Variants in IL18R1 observed in about 807,000 individuals in gnomAD.
IL18R1 encodes the protein interleukin-18 receptor 1.
Under a neutral mutation model 48.5 loss-of-function variants are expected in IL18R1, and 40 were observed. The observed-to-expected ratio is 0.82, with a 90% CI of 0.64 to 1.07. IL18R1 has a LOEUF of 1.07. IL18R1 is among the 50% of genes least tolerant of loss of function. IL18R1 has a pLI of 0.00. For missense variants in IL18R1, 596 were observed against 633.7 expected, an observed-to-expected ratio of 0.94 and a Z score of 0.64; for synonymous variants, 232 against 225.9, an observed-to-expected ratio of 1.03 and a Z score of -0.24.
chr2:102,393,024 T>C (rs1031432596), intron 9 of IL18R1, among the ~76,000 whole-genome samples: 5 of 152,218 alleles, frequency 3.3e-5, no homozygotes, highest in African/African-American at 4.8e-5. Flanking sequence ...TAATTTTTCA[T>C]AGGTAAGAGC....
At chr2:102,390,363 C>T in intron 9 of IL18R1, 146 bp downstream of exon 9, 1 of 748,914 alleles carries the variant, frequency 1.3e-6, no homozygotes, top group African/African-American at 1.8e-5. Flanking sequence ...TCTGCCTGTA[C>T]CATCCATTAT....
rs1055080144 is a variant in IL18R1, at chr2:102,398,608, G to A, written c.*1722G>A. Reference sequence around the variant, plus strand: ...AAATAGATTTCATTGCTATTGCATAGTCTCTAATACATAGAATGATTTTGC... The same window carrying A: ...AAATAGATTTCATTGCTATTGCATAATCTCTAATACATAGAATGATTTTGC... On this transcript the variant is annotated 3_prime_UTR_variant, in exon 11 of 11. Transcript: ENST00000233957. 6.6e-6 allele frequency: 1 copy of A among 152,236 alleles called. No homozygotes were observed. Among genetic ancestry groups the A allele is most frequent in the Non-Finnish European group, 1.5e-5 (1 of 68,026 alleles). The allele number at this position is 152,236 out of a possible 1,614,324, so 9.4% of individuals were successfully genotyped here. A position where few individuals can be genotyped will look rare whatever the true frequency, so the allele number is the denominator to read the frequency against.
intron 2 of IL18R1, among the ~76,000 whole-genome samples, chr2:102,363,987 T>A (rs1012559337): frequency 6.6e-6 from 1 of 152,180 alleles, no homozygotes; most frequent in African/African-American, 2.4e-5. Flanking sequence ...AAGGACCATT[T>A]CCAACAAGCA....
chr2:102,356,758 A>G (rs1408009026), intron 1 of IL18R1, among the ~76,000 whole-genome samples: 1 of 152,164 alleles, frequency 6.6e-6, no homozygotes, highest in Non-Finnish European at 1.5e-5. Flanking sequence ...AACTATTATT[A>G]TGCTTTAATA....
intron 7 of IL18R1, 35 bp downstream of exon 7, chr2:102,385,033 C>A: frequency 8.8e-7 from 1 of 1,137,536 alleles, no homozygotes; most frequent in Non-Finnish European, 1.3e-6. Flanking sequence ...ATGATATATA[C>A]CATATAACAA....
chr2:102,370,461 A>G (rs953805838), intron 3 of IL18R1, among the ~76,000 whole-genome samples: 2 of 152,208 alleles, frequency 1.3e-5, no homozygotes. Flanking sequence ...GGGATCCTGA[A>G]TCCATTTCAA....
In IL18R1 at chr2:102,397,757, G is replaced by A. The variant is rs1680897756; in HGVS notation, c.*871G>A. The A allele has an allele frequency of 6.6e-6, 1 of 152,190 alleles. No homozygotes were observed. 9.4% of individuals were successfully genotyped at this position (152,190 alleles called of 1,614,324 possible). On this transcript the variant is annotated 3_prime_UTR_variant, in exon 11 of 11. Transcript: ENST00000233957. ...AAATTACATATTAAAAATGCCCTTG[G>A]CATAAGGCAGCATGGTGTGGCAGTT...
Position 102,367,820 on chromosome 2 carries a change from T to C in IL18R1, c.59-5T>C. The C allele has an allele frequency of 1.2e-6, 2 of 1,608,194 alleles. No individual in the cohort carries two copies. Among genetic ancestry groups the C allele is most frequent in the Non-Finnish European group, 1.7e-6 (2 of 1,176,160 alleles). On this transcript the variant is annotated splice_polypyrimidine_tract_variant and splice_region_variant and intron_variant, in intron 2 of 10. Transcript: ENST00000233957. ...TATTTATTTTACTTTACTAATCTTT[T>C]GAAGAATCTTGTACTTCACGTCCCC...
At chr2:102,373,165 G>T (rs532481605) in intron 4 of IL18R1, among the ~76,000 whole-genome samples, 2 of 152,182 alleles carry the variant, frequency 1.3e-5, no homozygotes, top group African/African-American at 4.8e-5. Flanking sequence ...GCATCTTACT[G>T]CAATCAGGCA....
At chr2:102,376,161 G>A (rs1679572648) in intron 5 of IL18R1, 98 bp downstream of exon 5, 2 of 1,024,324 alleles carry the variant, frequency 2.0e-6, no homozygotes. Context: ...AGTCCACTTA[G>A]TTGGGGTTGT....
At chr2:102,364,878 A>G (rs185994857) in intron 2 of IL18R1, among the ~76,000 whole-genome samples, 2 of 152,302 alleles carry the variant, frequency 1.3e-5, no homozygotes, top group South Asian at 2.1e-4. Flanking sequence ...AAAGCCCCTT[A>G]TAAAAACATC....
chr2:102,386,286 G>C (rs886255291), intron 7 of IL18R1, among the ~76,000 whole-genome samples: 1 of 152,186 alleles, frequency 6.6e-6, no homozygotes, highest in Non-Finnish European at 1.5e-5. Context: ...AATCCTTTAA[G>C]GAAGAGAAAA....
rs1573221005 is a variant in IL18R1, at chr2:102,384,992, G to T, written c.803G>T (p.Arg268Ile). The T allele has an allele frequency of 6.5e-7, 1 of 1,545,268 alleles. No homozygotes were observed. The highest frequency in any genetic ancestry group is 1.1e-5 in the South Asian group (1 of 88,524). ...DPNIHEEKEM[R>I]IMTPEGKWHA... ...AATATACATGAAGAGAAAGAAATGAGAATTATGTATGTATGTGTAATATAT... is the reference window on the plus strand; with the variant it reads ...AATATACATGAAGAGAAAGAAATGATAATTATGTATGTATGTGTAATATAT... The change falls in exon 7 of 11, where the codon AGA (arginine) becomes ATA (isoleucine). Residue 268 changes from arginine (R) to isoleucine (I), a missense_variant. This residue lies in a region of IL18R1 where 360 missense variants were observed against 339.4 expected (regional missense o/e 1.06). Transcript: ENST00000233957.
chr2:102,389,973 A>G, intron 8 of IL18R1, 83 bp from the exon 9 acceptor site: 1 of 1,397,264 alleles, frequency 7.2e-7, no homozygotes, highest in East Asian at 2.3e-5. Context: ...TGTTAGCAGT[A>G]AAAATGGACA....
At position 102,370,511 on chromosome 2, in the gene IL18R1, A is replaced by G. The variant is rs116534126; in HGVS notation, c.303-1442A>G. Among the ~76,000 whole-genome samples the G allele has an allele frequency of 4.7e-3, 716 of 152,352 alleles. 4 individuals carry two copies. The highest frequency in any genetic ancestry group is 8.1e-3 in the Non-Finnish European group (554 of 68,036). On this transcript the variant is annotated intron_variant, in intron 3 of 10. Transcript: ENST00000233957. ...TATCATGTCCCATGGCCATGGACCC[A>G]CTGCCTATAACTGTGACAACAGCCT...
At chr2:102,362,778 GT>G (rs558118656) in intron 2 of IL18R1, 60 bp downstream of exon 2, 8,419 of 886,100 alleles carry the variant, frequency 9.5e-3, no homozygotes, top group South Asian at 0.014. Context: ...GAATGTCAAA[GT>G]TTTTTTTTTT....
At chr2:102,365,665 C>T (rs528826882) in intron 2 of IL18R1, among the ~76,000 whole-genome samples, 39 of 152,312 alleles carry the variant, frequency 2.6e-4, no homozygotes, top group African/African-American at 8.9e-4. Flanking sequence ...CCACACTACC[C>T]TAGCAAAGAT....
intron 5 of IL18R1, among the ~76,000 whole-genome samples, chr2:102,381,112 G>GCAGGGC (rs1679893820): frequency 6.6e-6 from 1 of 152,204 alleles, no homozygotes; most frequent in Non-Finnish European, 1.5e-5. Flanking sequence ...GAACTTAACA[G>GCAGGGC]CAGGGCCAGG....
intron 6 of IL18R1, among the ~76,000 whole-genome samples, chr2:102,383,226 A>C (rs190623516): frequency 6.6e-6 from 1 of 152,324 alleles, no homozygotes; most frequent in Non-Finnish European, 1.5e-5. Context: ...ATCTTGCTGA[A>C]TGTTCCAAGT....
Sources: allele counts gnomAD v4.1 joint callset (sites outside exome capture counted in the v4.1 genomes callset), GRCh38; gene constraint gnomAD v4.1.1; regional missense constraint gnomAD v4.1.1; transcripts MANE v1.5; gene names NCBI Gene and HGNC (gene_info 2026-07-23, HGNC 2026-07-21).